SLC6A11: variants seen among roughly 807,000 people sequenced by gnomAD.
The protein encoded by SLC6A11 is solute carrier family 6 member 11, also known as sodium- and chloride-dependent GABA transporter 3.
Under a neutral mutation model 74.8 loss-of-function variants are expected in SLC6A11, and 25 were observed. The observed-to-expected ratio is 0.33, with a 90% CI of 0.24 to 0.47. The LOEUF (loss-of-function observed/expected upper bound fraction) is 0.47. Ranked by LOEUF, SLC6A11 falls within the 20% of genes least tolerant of loss-of-function variation. The pLI is 1.00. For synonymous variants in SLC6A11, 330 were observed against 330.2 expected (o/e 1.00, Z 0.01); for missense variants, 574 against 837.0 (o/e 0.69, Z 3.88).
chr3:10,883,274 A>T (rs1695004687), intron 6 of SLC6A11, among the ~76,000 whole-genome samples: 1 of 152,008 alleles, frequency 6.6e-6, no homozygotes, highest in South Asian at 2.1e-4. Context: ...CTTCCACTCC[A>T]TTTTTTGCCC....
rs200546588 is a variant in SLC6A11, at chr3:10,918,314, G to A, written c.996-15G>A. 9.5e-5 allele frequency: 149 copies of A among 1,573,010 alleles called. No homozygotes were observed. The highest frequency in any genetic ancestry group is 1.5e-4 in the African/African-American group (11 of 72,436). On this transcript the variant is annotated splice_polypyrimidine_tract_variant and intron_variant, in intron 7 of 13. Coordinates refer to ENST00000254488, the MANE Select transcript of SLC6A11 (RefSeq NM_014229.3). The surrounding 1 kb of genome is among the most constrained non-coding windows in gnomAD (Gnocchi z 4.5). ...GCCCGCTCTGACCCTAGTGCCTCTCGCTGCTTCCCCACAGGGACTGCATCA... is the reference window on the plus strand; with the variant it reads ...GCCCGCTCTGACCCTAGTGCCTCTCACTGCTTCCCCACAGGGACTGCATCA...
intron 5 of SLC6A11, among the ~76,000 whole-genome samples, chr3:10,851,573 G>A (rs1694576643): frequency 1.3e-5 from 2 of 152,234 alleles, no homozygotes; most frequent in African/African-American, 4.8e-5. Context: ...GATGGTCATT[G>A]CAAGGCCAAG....
In SLC6A11 at chr3:10,926,204, C is replaced by T. The variant is rs972594662; in HGVS notation, c.1233+88C>T. The T allele has an allele frequency of 1.4e-4, 103 of 756,682 alleles. No homozygotes were observed. The highest frequency in any genetic ancestry group is 2.2e-4 in the Non-Finnish European group (99 of 449,886). The allele number at this position is 756,682 out of a possible 1,614,324, so 46.9% of individuals were successfully genotyped here. A position where few individuals can be genotyped will look rare whatever the true frequency, so the allele number is the denominator to read the frequency against. Reference sequence around the variant, plus strand: ...CCACCCTTAGGAGTGGCTCCCCAGGCCCAGCCACTCCCACCTGGCCCTGGC... The same window carrying T: ...CCACCCTTAGGAGTGGCTCCCCAGGTCCAGCCACTCCCACCTGGCCCTGGC... On this transcript the variant is annotated intron_variant, in intron 9 of 13. Coordinates refer to ENST00000254488, the MANE Select transcript of SLC6A11 (RefSeq NM_014229.3). The surrounding 1 kb of genome is among the most constrained non-coding windows in gnomAD (Gnocchi z 5.7).
At chr3:10,924,965 C>T (rs1695583604) in intron 8 of SLC6A11, among the ~76,000 whole-genome samples, 1 of 152,130 alleles carries the variant, frequency 6.6e-6, no homozygotes, top group Admixed American at 6.5e-5. Flanking sequence ...GCCATATGAC[C>T]CAGCAATTCC....
At chr3:10,839,376 C>T (rs887023434) in intron 4 of SLC6A11, among the ~76,000 whole-genome samples, 1 of 152,204 alleles carries the variant, frequency 6.6e-6, no homozygotes, top group African/African-American at 2.4e-5. Context: ...CTCCTGACCT[C>T]CCCACTCCTG....
chr3:10,865,491 G>A (rs567313811), intron 5 of SLC6A11, among the ~76,000 whole-genome samples: 17 of 152,210 alleles, frequency 1.1e-4, no homozygotes, highest in South Asian at 2.1e-4. Context: ...GTGAAACCCC[G>A]TCTCTACTAA....
At chr3:10,929,524 T>A (rs1695656195) in intron 10 of SLC6A11, among the ~76,000 whole-genome samples, 185 bp downstream of exon 10, 1 of 152,126 alleles carries the variant, frequency 6.6e-6, no homozygotes, top group African/African-American at 2.4e-5. Context: ...CAGCACAGTG[T>A]CTTCATGTGC....
intron 6 of SLC6A11, 102 bp downstream of exon 6, chr3:10,875,197 A>G: frequency 9.7e-7 from 1 of 1,029,888 alleles, no homozygotes; most frequent in South Asian, 2.3e-5. Context: ...CTGGTTGAAC[A>G]GTGGAAAGCC....
intron 4 of SLC6A11, among the ~76,000 whole-genome samples, chr3:10,838,772 G>A (rs1694400432): frequency 6.6e-6 from 1 of 152,092 alleles, no homozygotes; most frequent in African/African-American, 2.4e-5. Context: ...ATATCAATTT[G>A]GGCAAGTTGC....
At chr3:10,865,429 C>G (rs969241449) in intron 5 of SLC6A11, among the ~76,000 whole-genome samples, 1 of 152,110 alleles carries the variant, frequency 6.6e-6, no homozygotes, top group Non-Finnish European at 1.5e-5. Context: ...TTTGGGAGGC[C>G]GAGGTGGGTG....
chr3:10,849,245 C>T (rs149150465), intron 5 of SLC6A11, among the ~76,000 whole-genome samples: 12 of 152,364 alleles, frequency 7.9e-5, no homozygotes, highest in African/African-American at 2.9e-4. Flanking sequence ...CAGGAGATAA[C>T]TTCCAGACAG....
intron 5 of SLC6A11, among the ~76,000 whole-genome samples, chr3:10,849,756 G>A (rs1210272891): frequency 8.7e-6 from 1 of 115,250 alleles, no homozygotes; most frequent in Non-Finnish European, 1.6e-5. Context: ...AGGGTTTTGT[G>A]ATATTTTTCT....
chr3:10,873,386 TATCCTATCCTATGC>T (rs1559566556), intron 5 of SLC6A11, among the ~76,000 whole-genome samples: 22,143 of 75,698 alleles, frequency 0.29, 3,176 homozygotes, highest in South Asian at 0.42. Context: ...TTCATTATTG[TATCCTATCCTATGC>T]TATCCTATCC....
chr3:10,831,505 T>G (rs1373207689), intron 4 of SLC6A11, among the ~76,000 whole-genome samples: 1 of 152,086 alleles, frequency 6.6e-6, no homozygotes, highest in Non-Finnish European at 1.5e-5. Context: ...GTATATGATA[T>G]CGTATGTAAT....
At chr3:10,902,155 T>C (rs1695248841) in intron 6 of SLC6A11, among the ~76,000 whole-genome samples, 1 of 152,048 alleles carries the variant, frequency 6.6e-6, no homozygotes, top group African/African-American at 2.4e-5. Context: ...AGGCTGTGGG[T>C]TGGAAGCCCC....
intron 6 of SLC6A11, among the ~76,000 whole-genome samples, chr3:10,895,954 C>T (rs370006532): frequency 1.5e-3 from 229 of 152,342 alleles, no homozygotes; most frequent in Middle Eastern, 6.8e-3. Context: ...TGTGGCTTCT[C>T]GAAGGCCCAT....
At chr3:10,903,393 C>T (rs1297846422) in intron 6 of SLC6A11, among the ~76,000 whole-genome samples, 1 of 152,204 alleles carries the variant, frequency 6.6e-6, no homozygotes, top group Non-Finnish European at 1.5e-5. Context: ...TGCCACTGAA[C>T]TCACTGCCAC....
At chr3:10,892,886 A>C (rs1368185664) in intron 6 of SLC6A11, among the ~76,000 whole-genome samples, 1 of 152,166 alleles carries the variant, frequency 6.6e-6, no homozygotes, top group East Asian at 1.9e-4. Flanking sequence ...GCGTGGGGGA[A>C]ACGGGTTGGG....
chr3:10,936,894 C>T (rs1453719965), intron 13 of SLC6A11, among the ~76,000 whole-genome samples: 2 of 152,220 alleles, frequency 1.3e-5, no homozygotes, highest in African/African-American at 2.4e-5. Flanking sequence ...CCCCCTCCAT[C>T]TCCCTGAGCT....
Sources: allele counts gnomAD v4.1 joint callset (sites outside exome capture counted in the v4.1 genomes callset), GRCh38; gene constraint gnomAD v4.1.1; non-coding constraint Gnocchi (gnomAD v3.1); transcripts MANE v1.5; gene names NCBI Gene and HGNC (gene_info 2026-07-23, HGNC 2026-07-21).